PI4KA: variants seen among roughly 807,000 people sequenced by gnomAD.
PI4KA encodes the protein PI4-kinase alpha.
A neutral mutation model predicts 271.4 loss-of-function variants in PI4KA; 122 were observed. The ratio of observed to expected loss-of-function variants is 0.45; its 90% CI spans 0.39 to 0.52. The LOEUF (loss-of-function observed/expected upper bound fraction) is 0.52. Ranked by LOEUF, PI4KA falls within the 20% of genes least tolerant of loss-of-function variation. The pLI is 0.00. For synonymous variants in PI4KA, 1,041 were observed against 1,078.8 expected, an observed-to-expected ratio of 0.96 and a Z score of 0.69; for missense variants, 1,969 against 2,769.1, an observed-to-expected ratio of 0.71 and a Z score of 6.48.
At chr22:20,763,185 T>G (rs918749111) in intron 22 of PI4KA, among the ~76,000 whole-genome samples, 1 of 150,850 alleles carries the variant, frequency 6.6e-6, no homozygotes, top group African/African-American at 2.5e-5. Context: ...CCATCTTGGC[T>G]CACTGCAACC....
chr22:20,754,227 A>T (rs1931028944), intron 23 of PI4KA, among the ~76,000 whole-genome samples: 1 of 152,096 alleles, frequency 6.6e-6, no homozygotes, highest in Non-Finnish European at 1.5e-5. Flanking sequence ...GGCTGGGATT[A>T]CAGATGTACA....
At chr22:20,792,272 T>C (rs1434384145) in intron 19 of PI4KA, among the ~76,000 whole-genome samples, 1 of 152,126 alleles carries the variant, frequency 6.6e-6, no homozygotes. Flanking sequence ...TTGGGAATAA[T>C]GATGAACACT....
chr22:20,838,554 C>T, intron 2 of PI4KA, 61 bp downstream of exon 2: 1 of 936,002 alleles, frequency 1.1e-6, no homozygotes, highest in Non-Finnish European at 1.7e-6. Flanking sequence ...CAGATACAAA[C>T]TTAAACGCTC....
Position 20,803,276 on chromosome 22 carries a change from A to G in PI4KA, c.1506T>C (p.Ser502=). ...GGAAGTCTCGCAAGGACGGTGTCAC[A>G]GAGTGCACCACCACCGGGAACCTCT... The part of the protein sequence containing the change: ...LCERFPVVVH[S]VTPSLRDFLV... The change falls in exon 13 of 55, where the codon TCT becomes TCC. Residue 502 remains serine (S), a synonymous_variant. Coordinates refer to ENST00000255882, the MANE Select transcript of PI4KA (RefSeq NM_058004.4). 6.2e-7 allele frequency: 1 copy of G among 1,614,024 alleles called. No individual in the cohort carries two copies. The highest frequency in any genetic ancestry group is 1.1e-5 in the South Asian group (1 of 91,088).
rs1261709501 is a variant in PI4KA, at chr22:20,813,041, G to A, written c.1005+317C>T. Among the ~76,000 whole-genome samples, 4 of 152,324 alleles carry A rather than the reference G, an allele frequency of 2.6e-5. No homozygotes were observed. In the East Asian group the frequency reaches 7.7e-4, roughly 29 times the overall value. ...GCCCAGGAAAAGCACTGGACTTGGA[G>A]TCAGAATCCCTGGACTGGATGCAGC... On this transcript the variant is annotated intron_variant, in intron 8 of 54. Coordinates refer to ENST00000255882, the MANE Select transcript of PI4KA (RefSeq NM_058004.4).
intron 19 of PI4KA, among the ~76,000 whole-genome samples, chr22:20,775,587 TG>T (rs762729789): frequency 6.6e-6 from 1 of 152,234 alleles, no homozygotes; most frequent in Non-Finnish European, 1.5e-5. Context: ...AGTTGGTTTT[TG>T]TTTTGTTCTT....
At chr22:20,710,972 C>T in intron 51 of PI4KA, 114 bp from the exon 52 acceptor site, 1 of 1,179,230 alleles carries the variant, frequency 8.5e-7, no homozygotes, top group Non-Finnish European at 1.3e-6. Flanking sequence ...CCTCCACCCC[C>T]AACAGGCAGG....
intron 14 of PI4KA, among the ~76,000 whole-genome samples, chr22:20,801,498 T>A (rs1041634488): frequency 6.6e-6 from 1 of 151,600 alleles, no homozygotes; most frequent in Admixed American, 6.6e-5. Context: ...GGCAGGAGAA[T>A]TGCATGAACC....
chr22:20,750,640 G>A (rs4822486), intron 27 of PI4KA, among the ~76,000 whole-genome samples: 47,033 of 152,092 alleles, frequency 0.31, 7,599 homozygotes, highest in East Asian at 0.44. Flanking sequence ...TGGATGGAAG[G>A]GCAGGCTCTG....
At chr22:20,720,622 A>G (rs1381116849) in intron 43 of PI4KA, among the ~76,000 whole-genome samples, 1 of 152,214 alleles carries the variant, frequency 6.6e-6, no homozygotes. Flanking sequence ...GACCTGAGAG[A>G]CTACTAACAT....
chr22:20,734,538 C>T lies in PI4KA; in HGVS notation c.3757G>A (p.Ala1253Thr), dbSNP rs775920955. Residue 1253 changes from alanine to threonine, a missense_variant, in exon 33 of 55, where the codon GCA (alanine) becomes ACA (threonine). Physicochemically the swap from Ala to Thr is moderately conservative, Grantham distance 58. This residue lies in a region of PI4KA where 203 missense variants were observed against 256.8 expected (regional missense o/e 0.79). Transcript: ENST00000255882. ...GVEVPFMREMAGAWHMTVEQK... is the reference protein window; with the variant it reads ...GVEVPFMREMTGAWHMTVEQK... ...TCCACCGTCATGTGCCAGGCCCCTG[C>T]CATCTCCCGCATGAACTACAGGTAC... is the stretch of plus-strand genomic sequence containing the variant. 8 of 1,613,830 alleles carry T rather than the reference C, an allele frequency of 5.0e-6. No individual in the cohort carries two copies. The highest frequency in any genetic ancestry group is 1.6e-4 in the Middle Eastern group (1 of 6,078).
At chr22:20,792,084 G>C (rs753009793) in intron 19 of PI4KA, among the ~76,000 whole-genome samples, 1 of 152,126 alleles carries the variant, frequency 6.6e-6, no homozygotes, top group African/African-American at 2.4e-5. Context: ...CTGGGTGACA[G>C]AGTGAGAATC....
intron 27 of PI4KA, 106 bp downstream of exon 27, chr22:20,751,187 A>G (rs888553567): frequency 5.6e-6 from 5 of 885,630 alleles, no homozygotes; most frequent in African/African-American, 3.3e-5. Context: ...CCACACCTCA[A>G]ATTGCTGGGG....
intron 19 of PI4KA, chr22:20,779,936 C>T: frequency 8.1e-6 from 13 of 1,614,200 alleles, no homozygotes; most frequent in Non-Finnish European, 1.0e-5. Flanking sequence ...TGACTCATCG[C>T]CTCTTCAGGA....
chr22:20,728,136 G>C (rs1927588775), intron 39 of PI4KA, among the ~76,000 whole-genome samples: 1 of 152,152 alleles, frequency 6.6e-6, no homozygotes, highest in African/African-American at 2.4e-5. Context: ...AAGGACAAAT[G>C]CTTGAGGGGA....
At chr22:20,723,413 C>A (rs1008551795) in intron 42 of PI4KA, among the ~76,000 whole-genome samples, 1 of 151,986 alleles carries the variant, frequency 6.6e-6, no homozygotes, top group African/African-American at 2.4e-5. Flanking sequence ...AAAAAATATT[C>A]CAGGCTGGGT....
intron 19 of PI4KA, among the ~76,000 whole-genome samples, chr22:20,772,259 G>A (rs1167728271): frequency 6.6e-6 from 1 of 152,228 alleles, no homozygotes; most frequent in African/African-American, 2.4e-5. Context: ...GTGAAACCAA[G>A]AGCGAACAGT....
At chr22:20,794,470 G>A (rs1197816744) in intron 18 of PI4KA, among the ~76,000 whole-genome samples, 1 of 152,174 alleles carries the variant, frequency 6.6e-6, no homozygotes, top group Non-Finnish European at 1.5e-5. Flanking sequence ...TCCCAGCTGT[G>A]TACCCCACTG....
chr22:20,819,823 A>G lies in PI4KA; in HGVS notation c.607T>C (p.Ser203Pro). The G allele has an allele frequency of 1.9e-6, 3 of 1,613,670 alleles. No homozygotes were observed. Among genetic ancestry groups the G allele is most frequent in the Non-Finnish European group, 2.5e-6 (3 of 1,179,730 alleles). The change falls in exon 6 of 55, where the codon TCT (serine) becomes CCT (proline). Residue 203 changes from serine (S) to proline (P), a missense_variant. Physicochemically the swap from Ser to Pro is moderately conservative, Grantham distance 74 (BLOSUM62 -1). Coordinates refer to ENST00000255882, the MANE Select transcript of PI4KA (RefSeq NM_058004.4). The part of the protein sequence containing the change: ...AFGRYSNMEE[S>P]LLSKLFPKIP... ...TTGGGAAAGAGCTTTGAGAGGAGAGACTCTTCCATGTTGCTGTAACGCCCA... is the reference window on the plus strand; with the variant it reads ...TTGGGAAAGAGCTTTGAGAGGAGAGGCTCTTCCATGTTGCTGTAACGCCCA...
Sources: allele counts gnomAD v4.1 joint callset (sites outside exome capture counted in the v4.1 genomes callset), GRCh38; gene constraint gnomAD v4.1.1; regional missense constraint gnomAD v4.1.1; transcripts MANE v1.5; gene names NCBI Gene and HGNC (gene_info 2026-07-23, HGNC 2026-07-21).